The following ADAMTS15 variants were observed in gnomAD, a reference collection of about 807,000 sequenced individuals.
ADAMTS15 encodes the protein ADAM metallopeptidase with thrombospondin type 1 motif 15, also known as A disintegrin and metalloproteinase with thrombospondin motifs 15.
In ADAMTS15, 35 loss-of-function variants were observed where a neutral mutation model predicts 79.1. That is an observed-to-expected ratio of 0.44 (90% CI 0.34 to 0.59). The LOEUF is 0.59. Among genes scored for constraint, ADAMTS15 ranks in the 20% least tolerant of loss-of-function variants. The pLI is 0.02. For missense variants in ADAMTS15, 1,324 were observed against 1,318.7 expected (o/e 1.00, Z -0.06); for synonymous variants, 616 against 567.3 (o/e 1.09, Z -1.22).
chr11:130,457,744 G>T (rs1938116227), intron 1 of ADAMTS15, among the ~76,000 whole-genome samples: 3 of 152,206 alleles, frequency 2.0e-5, no homozygotes, highest in African/African-American at 7.2e-5. Flanking sequence ...GAAGGGTGGA[G>T]ATTTTTGATG....
chr11:130,469,960 A>G (rs1275832569), intron 5 of ADAMTS15, among the ~76,000 whole-genome samples: 10 of 151,386 alleles, frequency 6.6e-5, no homozygotes, highest in Non-Finnish European at 1.0e-4. Flanking sequence ...TCAGTTAGAC[A>G]ACAAAACTAC....
Position 130,471,036 on chromosome 11 carries a change from C to A in ADAMTS15, c.1837C>A (p.Arg613=). ...GCCCAAGTACTCCGGCGTGTCTCCC[C>A]GGGACAAGTGCAAGCTCATCTGCCG... is the stretch of plus-strand genomic sequence containing the variant. ...WVPKYSGVSP[R]DKCKLICRAN... is the part of the protein sequence containing the mutation. Residue 613 remains arginine (R), a synonymous_variant, in exon 6 of 8, where the codon CGG becomes AGG. Coordinates refer to ENST00000299164, the MANE Select transcript of ADAMTS15 (RefSeq NM_139055.4). The A allele has an allele frequency of 6.2e-7, 1 of 1,613,844 alleles. No homozygotes were observed. Among genetic ancestry groups the A allele is most frequent in the Admixed American group, 1.7e-5 (1 of 60,026 alleles).
chr11:130,474,498 G>C lies in ADAMTS15; in HGVS notation c.*677G>C, dbSNP rs1389490030. On this transcript the variant is annotated 3_prime_UTR_variant, in exon 8 of 8. Transcript: ENST00000299164. ...CTCTGATGTGCAGGGTGTAGGACTAGTGGTAGGGCTGCCACGGAAGTGTCC... is the reference window on the plus strand; with the variant it reads ...CTCTGATGTGCAGGGTGTAGGACTACTGGTAGGGCTGCCACGGAAGTGTCC... The C allele has an allele frequency of 6.6e-6, 1 of 152,338 alleles. No homozygotes were observed. Among genetic ancestry groups the C allele is most frequent in the African/African-American group, 2.4e-5 (1 of 41,442 alleles). 9.4% of individuals were successfully genotyped at this position (152,338 alleles called of 1,614,324 possible).
chr11:130,470,009 G>A (rs577450401), intron 5 of ADAMTS15, among the ~76,000 whole-genome samples: 1 of 149,828 alleles, frequency 6.7e-6, no homozygotes, highest in East Asian at 2.0e-4. Flanking sequence ...TCATCAATAG[G>A]AACCATGGAT....
Position 130,461,597 on chromosome 11 carries a change from G to C in ADAMTS15, c.1066G>C (p.Ala356Pro). The C allele has an allele frequency of 1.2e-6, 2 of 1,614,168 alleles. No individual in the cohort carries two copies. The highest frequency in any genetic ancestry group is 1.7e-6 in the Non-Finnish European group (2 of 1,180,032). The change falls in exon 2 of 8, where the codon GCC becomes CCC. Residue 356 changes from alanine to proline, a missense_variant. Physicochemically the swap from Ala to Pro is conservative, Grantham distance 27. Coordinates refer to ENST00000299164, the MANE Select transcript of ADAMTS15 (RefSeq NM_139055.4). ...CATTGAGGACGATGGGCTTCCATCA[G>C]CCTTCACCACTGCCCACGAGCTGGG... is the stretch of plus-strand genomic sequence containing the variant. ...SVIEDDGLPS[A>P]FTTAHELGHV... is the part of the protein sequence containing the mutation.
chr11:130,469,020 T>G (rs1938366672), intron 4 of ADAMTS15, among the ~76,000 whole-genome samples: 2 of 151,656 alleles, frequency 1.3e-5, no homozygotes. Context: ...GCCTCTCTTT[T>G]GCACGGCCTC....
rs1937908153 is a variant in ADAMTS15, at chr11:130,449,401, G to C, written c.428G>C (p.Ser143Thr). Residue 143 changes from serine to threonine, a missense_variant, in exon 1 of 8, where the codon AGC becomes ACC. Coordinates refer to ENST00000299164, the MANE Select transcript of ADAMTS15 (RefSeq NM_139055.4). The surrounding 1 kb of genome is among the most constrained non-coding windows in gnomAD (Gnocchi z 7.8). The stretch of plus-strand genomic sequence containing the variant: ...GTCATTAGCCCGCTGCCCAATGCTA[G>C]CGCGCCGGCGGCGCAGCGCAACAGC... Reference protein sequence around the residue: ...EYVISPLPNASAPAAQRNSQG... With the variant: ...EYVISPLPNATAPAAQRNSQG... 1 of 1,599,132 alleles carries C rather than the reference G, an allele frequency of 6.3e-7. No individual in the cohort carries two copies. The highest frequency in any genetic ancestry group is 1.3e-5 in the African/African-American group (1 of 74,952).
chr11:130,461,393 C>T, intron 1 of ADAMTS15, 96 bp from the exon 2 acceptor site: 2 of 1,552,040 alleles, frequency 1.3e-6, no homozygotes, highest in Non-Finnish European at 1.8e-6. Context: ...ATGAGATGAG[C>T]TGGAATGTCC....
At chr11:130,471,730 C>G (rs1191477053) in intron 7 of ADAMTS15, among the ~76,000 whole-genome samples, 5 of 152,150 alleles carry the variant, frequency 3.3e-5, no homozygotes, top group Non-Finnish European at 1.5e-5. Context: ...TCTGGATGAC[C>G]TTGGGCAAGT....
rs1937900969 is a variant in ADAMTS15, at chr11:130,449,261, A to AC, written c.288_289insC (p.Asp97ArgfsTer41). ...TCCAGGGGCTCACCGGGGGCTCTTC[A>AC]GACCTGCGACGCTGCTTCTATTCTG... On this transcript the variant is annotated frameshift_variant, in exon 1 of 8. Transcript: ENST00000299164. LOFTEE classifies it high-confidence loss of function. This position sits in a 1 kb window ranked among gnomAD's most constrained non-coding sequence, Gnocchi z 7.8. The AC allele has an allele frequency of 6.2e-7, 1 of 1,612,912 alleles. No homozygotes were observed.
At position 130,449,741 on chromosome 11, in the gene ADAMTS15, C is replaced by A; in HGVS notation, c.768C>A (p.Pro256=). Reference sequence around the variant, plus strand: ...CGGCGGCGCGACTCTACCGCCATCCCAGCATCCTCAACCCCATCAACATCG... The same window carrying A: ...CGGCGGCGCGACTCTACCGCCATCCAAGCATCCTCAACCCCATCAACATCG... ...LATAARLYRH[P]SILNPINIVV... is the part of the protein sequence containing the mutation. Residue 256 remains proline, a synonymous_variant, in exon 1 of 8, where the codon CCC becomes CCA. Transcript: ENST00000299164. The surrounding 1 kb of genome is among the most constrained non-coding windows in gnomAD (Gnocchi z 7.8). 6.2e-7 allele frequency: 1 copy of A among 1,612,794 alleles called. No individual in the cohort carries two copies.
intron 1 of ADAMTS15, among the ~76,000 whole-genome samples, chr11:130,459,095 G>A (rs560942821): frequency 2.8e-5 from 4 of 144,910 alleles, no homozygotes; most frequent in East Asian, 2.0e-4. Flanking sequence ...ATGCAGTGGC[G>A]TGATCACGGG....
At chr11:130,468,027 G>C (rs566874523) in intron 4 of ADAMTS15, among the ~76,000 whole-genome samples, 100 of 152,292 alleles carry the variant, frequency 6.6e-4, no homozygotes, top group African/African-American at 2.1e-3. Context: ...TTTTTTATCC[G>C]CAGGGCTGGG....
chr11:130,459,499 G>A (rs1333666440), intron 1 of ADAMTS15, among the ~76,000 whole-genome samples: 3 of 152,186 alleles, frequency 2.0e-5, no homozygotes, highest in Admixed American at 2.0e-4. Flanking sequence ...TGTTTTCTAG[G>A]TTTCAGAGCT....
At chr11:130,456,291 G>A (rs961904294) in intron 1 of ADAMTS15, among the ~76,000 whole-genome samples, 2 of 151,846 alleles carry the variant, frequency 1.3e-5, no homozygotes, top group Non-Finnish European at 2.9e-5. Flanking sequence ...TTTTTTTATA[G>A]AAGATTTAGC....
rs145290136 is a variant in ADAMTS15, at chr11:130,454,693, T to C, written c.957+4763T>C. On this transcript the variant is annotated intron_variant, in intron 1 of 7. Transcript: ENST00000299164. ...CTTCTGGGAGGGAGGAGGGAAGGAGTGGGAAGAGAGAGGGAGGAGTGCAAT... is the reference window on the plus strand; with the variant it reads ...CTTCTGGGAGGGAGGAGGGAAGGAGCGGGAAGAGAGAGGGAGGAGTGCAAT... Among the ~76,000 whole-genome samples, 166 of 151,352 alleles carry C rather than the reference T, an allele frequency of 1.1e-3. 1 individual carries two copies. The highest frequency in any genetic ancestry group is 3.6e-3 in the African/African-American group (150 of 41,228).
At chr11:130,457,714 G>A (rs560270305) in intron 1 of ADAMTS15, among the ~76,000 whole-genome samples, 1 of 152,322 alleles carries the variant, frequency 6.6e-6, no homozygotes, top group East Asian at 1.9e-4. Flanking sequence ...GGCAGTTTTA[G>A]TGCCTCTGAG....
intron 4 of ADAMTS15, among the ~76,000 whole-genome samples, chr11:130,464,455 A>G (rs1938262459): frequency 6.6e-6 from 1 of 152,160 alleles, no homozygotes; most frequent in African/African-American, 2.4e-5. Flanking sequence ...CAGCTCCCAC[A>G]GATCTGTTTC....
Position 130,462,840 on chromosome 11 carries a change from G to A in ADAMTS15, c.1542+60G>A, listed in dbSNP as rs979093924. The A allele has an allele frequency of 2.0e-6, 3 of 1,533,350 alleles. No homozygotes were observed. The highest frequency in any genetic ancestry group is 2.6e-6 in the Non-Finnish European group (3 of 1,135,704). The allele number at this position is 1,533,350 out of a possible 1,614,324, so 95.0% of individuals were successfully genotyped here. On this transcript the variant is annotated intron_variant, in intron 4 of 7. Coordinates refer to ENST00000299164, the MANE Select transcript of ADAMTS15 (RefSeq NM_139055.4). This position sits in a 1 kb window ranked among gnomAD's most constrained non-coding sequence, Gnocchi z 4.3. ...TGGGAGGAGGGATGGAGACCCGGGG[G>A]CCTCGTCTGCCCTTGGTCTTCACCA... is the stretch of plus-strand genomic sequence containing the variant.
Sources: allele counts gnomAD v4.1 joint callset (sites outside exome capture counted in the v4.1 genomes callset), GRCh38; gene constraint gnomAD v4.1.1; non-coding constraint Gnocchi (gnomAD v3.1); transcripts MANE v1.5; gene names NCBI Gene and HGNC (gene_info 2026-07-23, HGNC 2026-07-21).